PARP9: variants seen among roughly 807,000 people sequenced by gnomAD.
The protein encoded by PARP9 is protein mono-ADP-ribosyltransferase PARP9.
In PARP9, 48 loss-of-function variants were observed where a neutral mutation model predicts 68.8. That is an observed-to-expected ratio of 0.70 (90% CI 0.55 to 0.89). The LOEUF is 0.89. Among genes scored for constraint, PARP9 ranks in the 40% least tolerant of loss-of-function variants. The probability of loss-of-function intolerance (pLI) is 0.00; values close to 1 mark genes in which losing one functional copy is unlikely to be tolerated. For synonymous variants in PARP9, 309 were observed against 333.8 expected, an observed-to-expected ratio of 0.93 and a Z score of 0.81; for missense variants, 806 against 969.3, an observed-to-expected ratio of 0.83 and a Z score of 2.24.
At chr3:122,555,139 G>C in intron 4 of PARP9, 147 bp downstream of exon 4, 1 of 821,840 alleles carries the variant, frequency 1.2e-6, no homozygotes, top group Non-Finnish European at 1.8e-6. Flanking sequence ...AAGTAGCTGG[G>C]TTACAGGCAT....
chr3:122,564,568 C>A, upstream of PARP9: 1 of 1,606,104 alleles, frequency 6.2e-7, no homozygotes, highest in Non-Finnish European at 8.5e-7. Context: ...CACCCAGGAA[C>A]ACGAAGCCCC....
chr3:122,530,203 G>C (rs1432509782), intron 10 of PARP9, among the ~76,000 whole-genome samples: 5 of 143,180 alleles, frequency 3.5e-5, no homozygotes, highest in Non-Finnish European at 7.7e-5. Context: ...AAAAAGGAAA[G>C]AAAAAGAAAA....
intron 10 of PARP9, chr3:122,534,621 T>C (rs879456446): frequency 1.5e-5 from 4 of 260,644 alleles, no homozygotes; most frequent in Non-Finnish European, 2.4e-5. Flanking sequence ...GGCTCATACC[T>C]GTAAGCCCAA....
chr3:122,556,678 G>A (rs116520120), intron 3 of PARP9, among the ~76,000 whole-genome samples: 156 of 152,266 alleles, frequency 1.0e-3, no homozygotes, highest in African/African-American at 3.7e-3. Context: ...GGGGAGGGCA[G>A]GCTGGGAAAG....
In PARP9 at chr3:122,550,851, C is replaced by T. The variant is rs200058092; in HGVS notation, c.1108-49G>A. 9.3e-5 allele frequency: 138 copies of T among 1,490,652 alleles called. No homozygotes were observed. In the African/African-American group the frequency reaches 1.5e-3, roughly 17 times the overall value. 92.3% of individuals were successfully genotyped at this position (1,490,652 alleles called of 1,614,324 possible). A position where few individuals can be genotyped will look rare whatever the true frequency, so the allele number is the denominator to read the frequency against. On this transcript the variant is annotated intron_variant, in intron 5 of 10. Coordinates refer to ENST00000682323, the MANE Select transcript of PARP9 (RefSeq NM_001146105.2). ...ATCAGCATTTGAGTCAAGAACAAGA[C>T]TCCACTTACCCCTTGATCCTGCCCA...
intron 10 of PARP9, chr3:122,533,849 G>A (rs993697046): frequency 2.0e-6 from 2 of 985,440 alleles, no homozygotes; most frequent in Admixed American, 6.1e-5. Flanking sequence ...TTGCCTGTGG[G>A]TGGCCATCTA....
chr3:122,536,558 TC>T (rs1348117881), intron 9 of PARP9: 1 of 892,948 alleles, frequency 1.1e-6, no homozygotes, highest in Non-Finnish European at 1.6e-6. Context: ...TCTAATAAAT[TC>T]CTTTAACAAA....
chr3:122,558,408 C>T, intron 3 of PARP9, 26 bp downstream of exon 3: 1 of 1,614,156 alleles, frequency 6.2e-7, no homozygotes, highest in Non-Finnish European at 8.5e-7. Flanking sequence ...CTTTCTGAAA[C>T]AAGAGTGAGA....
intron 7 of PARP9, among the ~76,000 whole-genome samples, chr3:122,544,024 A>C (rs763825373): frequency 6.6e-6 from 1 of 152,246 alleles, no homozygotes. Context: ...GATTAATGAC[A>C]TACAGACCTT....
At position 122,528,217 on chromosome 3, in the gene PARP9, G is replaced by A. The variant is rs1319376201; in HGVS notation, c.*147C>T. The stretch of plus-strand genomic sequence containing the variant: ...GACAGATAAAGGCACTAAGATGCTA[G>A]TATGTGGCTAGTCCTTTCAATAACC... On this transcript the variant is annotated 3_prime_UTR_variant, in exon 11 of 11. Transcript: ENST00000682323. 1 of 1,021,776 alleles carries A rather than the reference G, an allele frequency of 9.8e-7. No individual in the cohort carries two copies. The highest frequency in any genetic ancestry group is 1.4e-6 in the Non-Finnish European group (1 of 702,266). The allele number at this position is 1,021,776 out of a possible 1,614,324, so 63.3% of individuals were successfully genotyped here.
chr3:122,552,282 A>C (rs1456569400), intron 5 of PARP9, 136 bp downstream of exon 5: 1 of 640,698 alleles, frequency 1.6e-6, no homozygotes, highest in African/African-American at 1.8e-5. Context: ...TGGTACTCGC[A>C]GGTGTGCTAA....
At chr3:122,552,002 A>T (rs1349297170) in intron 5 of PARP9, among the ~76,000 whole-genome samples, 1 of 152,160 alleles carries the variant, frequency 6.6e-6, no homozygotes, top group Non-Finnish European at 1.5e-5. Flanking sequence ...TGCAGCCTCA[A>T]TCTCCTGGGC....
chr3:122,558,737 G>T (rs896737944), intron 2 of PARP9, among the ~76,000 whole-genome samples: 5 of 152,060 alleles, frequency 3.3e-5, no homozygotes, highest in Non-Finnish European at 7.4e-5. Flanking sequence ...TCGAGACAAG[G>T]TTTCACTCTG....
intron 7 of PARP9, among the ~76,000 whole-genome samples, chr3:122,541,579 A>C (rs1576399345): frequency 6.6e-6 from 1 of 152,366 alleles, no homozygotes; most frequent in South Asian, 2.1e-4. Context: ...TTTTTAAAAA[A>C]CAAACATGAA....
At position 122,547,085 on chromosome 3, in the gene PARP9, C is replaced by CATATAT. The variant is rs201714239; in HGVS notation, c.1327-1602_1327-1597dup. Among the ~76,000 whole-genome samples the CATATAT allele has an allele frequency of 1.4e-4, 17 of 121,630 alleles. 1 individual carries two copies. Among genetic ancestry groups the CATATAT allele is most frequent in the South Asian group, 2.7e-4 (1 of 3,680 alleles). The allele number at this position is 121,630 out of a possible 152,430, so 79.8% of individuals were successfully genotyped here. A position where few individuals can be genotyped will look rare whatever the true frequency, so the allele number is the denominator to read the frequency against. ...ACATACATATATACACACACACACACATATATATATACACGTATTTTTTTT... is the reference window on the plus strand; with the variant it reads ...ACATACATATATACACACACACACACATATATATATATATATACACGTATTTTTTTT... On this transcript the variant is annotated intron_variant, in intron 6 of 10. Transcript: ENST00000682323.
At chr3:122,559,519 T>C (rs1382533166) in intron 2 of PARP9, 87 bp downstream of exon 2, 3 of 1,353,640 alleles carry the variant, frequency 2.2e-6, no homozygotes, top group Non-Finnish European at 3.0e-6. Flanking sequence ...CAACTGTTGG[T>C]GAACACCCCA....
chr3:122,541,168 G>A (rs530243993), intron 7 of PARP9, among the ~76,000 whole-genome samples: 9 of 152,324 alleles, frequency 5.9e-5, no homozygotes, highest in Admixed American at 3.3e-4. Context: ...AGGATTACAG[G>A]CGTGAGCCAA....
chr3:122,561,246 C>T (rs1396208757), intron 1 of PARP9, among the ~76,000 whole-genome samples: 3 of 152,166 alleles, frequency 2.0e-5, no homozygotes, highest in African/African-American at 7.2e-5. Context: ...ATTGCTTGAG[C>T]TCAGGAGTTC....
chr3:122,545,135 A>G (rs1340662286), intron 7 of PARP9, among the ~76,000 whole-genome samples: 2 of 152,200 alleles, frequency 1.3e-5, no homozygotes, highest in African/African-American at 4.8e-5. Context: ...ATGCCAGTTT[A>G]TGGAAGCCAG....
Sources: gnomAD v4.1 joint callset for allele counts (sites outside exome capture counted in the v4.1 genomes callset) on GRCh38, gnomAD v4.1.1 for gene constraint, MANE v1.5 for transcripts, NCBI Gene and HGNC (gene_info 2026-07-23, HGNC 2026-07-21) for gene names.